Variants in PUM1 observed in about 807,000 individuals in gnomAD.
The protein encoded by PUM1 is pumilio homolog 1.
PUM1 carries 13 observed loss-of-function variants against 131.8 expected under a neutral mutation model. The ratio of observed to expected loss-of-function variants is 0.10; its 90% CI spans 0.06 to 0.16. The LOEUF (loss-of-function observed/expected upper bound fraction) is 0.16. Ranked by LOEUF, PUM1 falls within the 10% of genes least tolerant of loss-of-function variation. The pLI, the probability that PUM1 is intolerant of heterozygous loss-of-function variation, is 1.00. For synonymous variants in PUM1, 509 were observed against 556.5 expected (o/e 0.91, Z 1.20); for missense variants, 961 against 1,512.4 (o/e 0.64, Z 6.05).
intron 14 of PUM1, among the ~76,000 whole-genome samples, chr1:30,958,838 CAT>C (rs1640281853): frequency 6.6e-6 from 1 of 152,090 alleles, no homozygotes; most frequent in African/African-American, 2.4e-5. Context: ...TAAATTGAGA[CAT>C]GTAACACATA....
At chr1:30,975,450 A>C (rs1295402076) in intron 9 of PUM1, among the ~76,000 whole-genome samples, 1 of 151,610 alleles carries the variant, frequency 6.6e-6, no homozygotes, top group African/African-American at 2.4e-5. Flanking sequence ...TCCCCGGCTT[A>C]AGTGATCCTC....
At chr1:31,003,978 C>A (rs1642309008) in intron 5 of PUM1, among the ~76,000 whole-genome samples, 1 of 152,124 alleles carries the variant, frequency 6.6e-6, no homozygotes, top group African/African-American at 2.4e-5. Context: ...TATCTTCATG[C>A]ATACTTCAGA....
At chr1:31,027,629 G>C (rs1351042371) in intron 3 of PUM1, among the ~76,000 whole-genome samples, 1 of 152,176 alleles carries the variant, frequency 6.6e-6, no homozygotes, top group African/African-American at 2.4e-5. Flanking sequence ...GCCACAAGAA[G>C]ATTCAGAAAG....
At chr1:31,035,522 C>A (rs535499030) in intron 2 of PUM1, among the ~76,000 whole-genome samples, 1 of 152,050 alleles carries the variant, frequency 6.6e-6, no homozygotes, top group South Asian at 2.1e-4. Flanking sequence ...GAGGCCGAGG[C>A]GGGCGGATCA....
chr1:30,941,924 T>TG, intron 19 of PUM1, 74 bp downstream of exon 19: 1 of 1,383,134 alleles, frequency 7.2e-7, no homozygotes, highest in Non-Finnish European at 9.9e-7. Context: ...GAACCTACAC[T>TG]GACAAAACAC....
At chr1:30,969,317 A>G (rs1169847118) in intron 10 of PUM1, among the ~76,000 whole-genome samples, 2 of 112,538 alleles carry the variant, frequency 1.8e-5, no homozygotes, top group African/African-American at 3.7e-5. Flanking sequence ...ACACACACAC[A>G]AAAAAAAAAA....
At chr1:31,017,535 T>G (rs1418777216) in intron 3 of PUM1, among the ~76,000 whole-genome samples, 1 of 152,066 alleles carries the variant, frequency 6.6e-6, no homozygotes, top group African/African-American at 2.4e-5. Context: ...TTTTTTTTTT[T>G]TAGTTCATCA....
At chr1:30,953,332 G>A (rs1053668164) in intron 15 of PUM1, among the ~76,000 whole-genome samples, 1 of 152,192 alleles carries the variant, frequency 6.6e-6, no homozygotes, top group Non-Finnish European at 1.5e-5. Flanking sequence ...CCAACAGGAA[G>A]GGGTAAACCA....
In PUM1 at chr1:31,008,398, G is replaced by GA. The variant is rs11286507; in HGVS notation, c.433-1297dup. ...TTGTTTACTAATTAAACAAGATTGAGAAAAAAAAAAAACATTTGTCTGGTA... is the reference window on the plus strand; with the variant it reads ...TTGTTTACTAATTAAACAAGATTGAGAAAAAAAAAAAAACATTTGTCTGGTA... On this transcript the variant is annotated intron_variant, in intron 3 of 21. Coordinates refer to ENST00000426105, the MANE Select transcript of PUM1 (RefSeq NM_001020658.2). 9.8e-4 allele frequency among the ~76,000 whole-genome samples: 142 copies of GA among 145,110 alleles called. 1 individual carries two copies. The highest frequency in any genetic ancestry group is 7.4e-3 in the Middle Eastern group (2 of 270).
In PUM1 at chr1:31,014,890, T is replaced by C. The variant is rs144907857; in HGVS notation, c.433-7788A>G. 8.2e-3 allele frequency among the ~76,000 whole-genome samples: 1,246 copies of C among 151,984 alleles called. 21 individuals carry two copies. The highest frequency in any genetic ancestry group is 0.029 in the African/African-American group (1,184 of 41,450). On this transcript the variant is annotated intron_variant, in intron 3 of 21. Coordinates refer to ENST00000426105, the MANE Select transcript of PUM1 (RefSeq NM_001020658.2). ...GGCCCACACCTATAATCCCAGCATA[T>C]TGGTAGGCAGAAGGATCACTTGAGG...
intron 2 of PUM1, among the ~76,000 whole-genome samples, chr1:31,033,705 A>G (rs973391411): frequency 1.3e-5 from 2 of 151,750 alleles, no homozygotes; most frequent in Non-Finnish European, 2.9e-5. Context: ...TCTGTTACCT[A>G]GGCTGGAATG....
At chr1:31,023,484 T>C (rs1016408016) in intron 3 of PUM1, among the ~76,000 whole-genome samples, 10 of 152,122 alleles carry the variant, frequency 6.6e-5, no homozygotes, top group African/African-American at 2.2e-4. Context: ...CTGTTTGCCA[T>C]AATAGAAAGA....
chr1:31,059,481 G>A lies in PUM1; in HGVS notation c.86C>T (p.Pro29Leu). The A allele has an allele frequency of 6.2e-7, 1 of 1,614,196 alleles. No individual in the cohort carries two copies. The highest frequency in any genetic ancestry group is 8.5e-7 in the Non-Finnish European group (1 of 1,180,026). The part of the protein sequence containing the change: ...SPHLKHHPQE[P>L]ANPNMPVVLT... ...AACAACAGGCATGTTGGGATTAGCT[G>A]GTTCTTGAGGGTGATGTTTCAGGTG... The change falls in exon 2 of 22, where the codon CCA (proline) becomes CTA (leucine). Residue 29 changes from proline (P) to leucine (L), a missense_variant. By Grantham distance (98) the Pro-to-Leu change is moderately conservative. This residue lies in a region of PUM1 where 654 missense variants were observed against 923.9 expected (regional missense o/e 0.71). Coordinates refer to ENST00000426105, the MANE Select transcript of PUM1 (RefSeq NM_001020658.2).
rs546227366 is a variant in PUM1, at chr1:31,052,042, T to G, written c.363+7162A>C. On this transcript the variant is annotated intron_variant, in intron 2 of 21. Coordinates refer to ENST00000426105, the MANE Select transcript of PUM1 (RefSeq NM_001020658.2). The stretch of plus-strand genomic sequence containing the variant: ...TTTTTTTTTCTTTGGAGACGGAGTC[T>G]TGCTCTGTCGCCCAGGCTGGAGGGC... Among the ~76,000 whole-genome samples the G allele has an allele frequency of 3.3e-5, 5 of 152,236 alleles. No individual in the cohort carries two copies. The South Asian group carries it at 1.0e-3, about 32-fold the overall frequency.
chr1:30,952,672 A>AGGGGGGGGGGGG (rs1489893024), intron 15 of PUM1, among the ~76,000 whole-genome samples: 2 of 10,540 alleles, frequency 1.9e-4, no homozygotes, highest in Non-Finnish European at 2.2e-4. Context: ...GGAAGATGAA[A>AGGGGGGGGGGGG]GCGGGGGGGG....
At chr1:30,972,459 A>G (rs1470514710) in intron 10 of PUM1, among the ~76,000 whole-genome samples, 1 of 58,936 alleles carries the variant, frequency 1.7e-5, no homozygotes, top group Non-Finnish European at 2.9e-5. Flanking sequence ...AAGAGAAGAG[A>G]AGAGAAGAGA....
chr1:31,004,813 C>G (rs564223413), intron 5 of PUM1, among the ~76,000 whole-genome samples: 113 of 152,270 alleles, frequency 7.4e-4, no homozygotes, highest in African/African-American at 2.6e-3. Flanking sequence ...AAATACTGAG[C>G]AACAAATGCT....
At chr1:31,029,479 C>T (rs1401659696) in intron 2 of PUM1, among the ~76,000 whole-genome samples, 1 of 152,220 alleles carries the variant, frequency 6.6e-6, no homozygotes, top group Non-Finnish European at 1.5e-5. Flanking sequence ...ATCCTACCTA[C>T]AGCATAACAA....
chr1:30,946,507 C>T (rs1398613103), intron 17 of PUM1, among the ~76,000 whole-genome samples: 1 of 151,338 alleles, frequency 6.6e-6, no homozygotes, highest in African/African-American at 2.4e-5. Flanking sequence ...CATGGTGGTG[C>T]GCGCCTGTAA....
Sources: allele counts gnomAD v4.1 joint callset (sites outside exome capture counted in the v4.1 genomes callset), GRCh38; gene constraint gnomAD v4.1.1; regional missense constraint gnomAD v4.1.1; transcripts MANE v1.5; gene names NCBI Gene and HGNC (gene_info 2026-07-23, HGNC 2026-07-21).